The following STARD5 variants were observed in gnomAD, a reference collection of about 807,000 sequenced individuals.
The protein encoded by STARD5 is StAR related lipid transfer domain containing 5.
In STARD5, 26 loss-of-function variants were observed where a neutral mutation model predicts 24.6. The ratio of observed to expected loss-of-function variants is 1.06; its 90% confidence interval spans 0.77 to 1.47. The LOEUF (loss-of-function observed/expected upper bound fraction) is 1.47. Among genes scored for constraint, STARD5 ranks in the 40% most tolerant of loss-of-function variants. The pLI is 0.00. For synonymous variants in STARD5, 101 were observed against 99.7 expected, an observed-to-expected ratio of 1.01 and a Z score of -0.07; for missense variants, 254 against 270.8, an observed-to-expected ratio of 0.94 and a Z score of 0.44.
intron 5 of STARD5, among the ~76,000 whole-genome samples, chr15:81,316,367 C>T (rs1262562613): frequency 6.6e-6 from 1 of 152,140 alleles, no homozygotes; most frequent in South Asian, 2.1e-4. Context: ...AATCTAAGTT[C>T]TAAGAGGGCA....
intron 3 of STARD5, among the ~76,000 whole-genome samples, chr15:81,321,382 T>TG (rs1178313406): frequency 6.6e-6 from 1 of 151,634 alleles, no homozygotes; most frequent in Non-Finnish European, 1.5e-5. Flanking sequence ...GGGGTCGAGG[T>TG]GGGGGGATCA....
At chr15:81,321,223 G>C (rs1901188394) in intron 3 of STARD5, among the ~76,000 whole-genome samples, 1 of 152,048 alleles carries the variant, frequency 6.6e-6, no homozygotes, top group Non-Finnish European at 1.5e-5. Context: ...GACGCAAAAT[G>C]TTTTACTTGT....
rs751565213 is a variant in STARD5 at position 81,322,463 on chromosome 15, C to T, written c.227G>A (p.Arg76Gln). ...DCVKPAVGGL[R>Q]VKWDENVTGF... ...GGTCACATTCTCATCCCACTTCACT[C>T]GTAGGCCTCCAACAGCTGGCTTCAC... The change falls in exon 3 of 6, where the codon CGA becomes CAA. Residue 76 changes from arginine (R) to glutamine (Q), a missense_variant. Coordinates refer to ENST00000302824, the MANE Select transcript of STARD5 (RefSeq NM_181900.3). The T allele has an allele frequency of 3.5e-5, 56 of 1,614,096 alleles. No homozygotes were observed. Among genetic ancestry groups the T allele is most frequent in the Admixed American group, 5.0e-5 (3 of 60,010 alleles).
chr15:81,321,554 G>A (rs1893292752), intron 3 of STARD5, among the ~76,000 whole-genome samples: 1 of 150,488 alleles, frequency 6.6e-6, no homozygotes, highest in African/African-American at 2.5e-5. Flanking sequence ...AGGCTGCAGT[G>A]AGCCAAGATC....
At position 81,322,290 on chromosome 15, in the gene STARD5, T is replaced by C. The variant is rs1478298274; in HGVS notation, c.282+118A>G. On this transcript the variant is annotated intron_variant, in intron 3 of 5. Transcript: ENST00000302824. ...GCTGCAAGCAGTGGGCAGCCTGTGCTTGCAGGACACACCCCCTTAACAAAA... is the reference window on the plus strand; with the variant it reads ...GCTGCAAGCAGTGGGCAGCCTGTGCCTGCAGGACACACCCCCTTAACAAAA... 9.5e-6 allele frequency: 13 copies of C among 1,367,598 alleles called. No homozygotes were observed. The Admixed American group carries it at 1.1e-4, about 11-fold the overall frequency. 84.7% of individuals were successfully genotyped at this position (1,367,598 alleles called of 1,614,324 possible). A position where few individuals can be genotyped will look rare whatever the true frequency, so the allele number is the denominator to read the frequency against.
At chr15:81,317,409 G>A (rs982539190) in intron 5 of STARD5, among the ~76,000 whole-genome samples, 2 of 152,132 alleles carry the variant, frequency 1.3e-5, no homozygotes, top group Admixed American at 6.5e-5. Context: ...GGTGGGAGAG[G>A]ACAAGGAAAT....
intron 5 of STARD5, among the ~76,000 whole-genome samples, chr15:81,316,651 GTTA>G (rs1461174879): frequency 6.6e-6 from 1 of 152,224 alleles, no homozygotes; most frequent in Non-Finnish European, 1.5e-5. Context: ...TGCTGCTGCT[GTTA>G]TTATTGTCTG....
At chr15:81,314,565 G>T (rs1197559613) in intron 5 of STARD5, among the ~76,000 whole-genome samples, 1 of 152,128 alleles carries the variant, frequency 6.6e-6, no homozygotes, top group Non-Finnish European at 1.5e-5. Context: ...CAGGCTACAG[G>T]TTTGGAACTG....
intron 5 of STARD5, among the ~76,000 whole-genome samples, chr15:81,315,342 GA>G (rs1361614735): frequency 6.6e-6 from 1 of 152,152 alleles, no homozygotes; most frequent in African/African-American, 2.4e-5. Context: ...GGCCATGTGG[GA>G]TGGGACAAAC....
chr15:81,313,756 C>T (rs1900992833), intron 5 of STARD5: 1 of 166,468 alleles, frequency 6.0e-6, no homozygotes, highest in Admixed American at 6.4e-5. Flanking sequence ...CTGCCCTTCA[C>T]TATTTAGGGT....
Position 81,313,136 on chromosome 15 carries a change from C to T in STARD5, c.*120G>A. On this transcript the variant is annotated 3_prime_UTR_variant, in exon 6 of 6. Coordinates refer to ENST00000302824, the MANE Select transcript of STARD5 (RefSeq NM_181900.3). ...TTGGCATTCTCAGAGATGCGCAGTC[C>T]ATCAGCTTGTTCCAAAGAGTGAACA... The T allele has an allele frequency of 8.2e-7, 1 of 1,217,534 alleles. No homozygotes were observed. The highest frequency in any genetic ancestry group is 1.6e-5 in the African/African-American group (1 of 63,460). The allele number at this position is 1,217,534 out of a possible 1,614,324, so 75.4% of individuals were successfully genotyped here. A position where few individuals can be genotyped will look rare whatever the true frequency, so the allele number is the denominator to read the frequency against.
Position 81,309,318 on chromosome 15 carries a change from G to C in STARD5, c.*3938C>G, listed in dbSNP as rs771967172. ...CTCATACATCTGGCCGTTGATGTTGGCTGGGAACTCACCTGGGGCTGCTGG... is the reference window on the plus strand; with the variant it reads ...CTCATACATCTGGCCGTTGATGTTGCCTGGGAACTCACCTGGGGCTGCTGG... On this transcript the variant is annotated 3_prime_UTR_variant, in exon 6 of 6. Transcript: ENST00000302824. The C allele has an allele frequency of 6.5e-6, 1 of 152,902 alleles. No individual in the cohort carries two copies. The highest frequency in any genetic ancestry group is 1.5e-5 in the Non-Finnish European group (1 of 68,514). The allele number at this position is 152,902 out of a possible 1,614,324, so 9.5% of individuals were successfully genotyped here. A position where few individuals can be genotyped will look rare whatever the true frequency, so the allele number is the denominator to read the frequency against.
chr15:81,317,908 C>T (rs958958864), intron 5 of STARD5, among the ~76,000 whole-genome samples: 2 of 152,228 alleles, frequency 1.3e-5, no homozygotes, highest in Non-Finnish European at 2.9e-5. Context: ...GGTCTCAGAA[C>T]TGCCCTTTAG....
intron 5 of STARD5, among the ~76,000 whole-genome samples, chr15:81,316,681 G>C (rs1901089475): frequency 6.6e-6 from 1 of 152,200 alleles, no homozygotes; most frequent in African/African-American, 2.4e-5. Context: ...CTAGGGTCCA[G>C]AATAGGCCTA....
rs1378117091 is a variant in STARD5, at chr15:81,310,701, A to C, written c.*2555T>G. ...TGTGCACGCAGTGGCCTTCCCTAAA[A>C]TCAGGGAATTGTTTTAAGTCTTATC... On this transcript the variant is annotated 3_prime_UTR_variant, in exon 6 of 6. Coordinates refer to ENST00000302824, the MANE Select transcript of STARD5 (RefSeq NM_181900.3). 6.6e-6 allele frequency: 1 copy of C among 152,180 alleles called. No homozygotes were observed. The highest frequency in any genetic ancestry group is 1.5e-5 in the Non-Finnish European group (1 of 68,044). The allele number at this position is 152,180 out of a possible 1,614,324, so 9.4% of individuals were successfully genotyped here.
chr15:81,318,102 AC>A (rs1282315072), intron 5 of STARD5, among the ~76,000 whole-genome samples: 1 of 151,948 alleles, frequency 6.6e-6, no homozygotes, highest in African/African-American at 2.4e-5. Flanking sequence ...ACCTCCCCAA[AC>A]CTCAGTTTCC....
At chr15:81,313,512 G>T in intron 5 of STARD5, 109 bp from the exon 6 acceptor site, 1 of 1,095,722 alleles carries the variant, frequency 9.1e-7, no homozygotes, top group Non-Finnish European at 1.2e-6. Flanking sequence ...ATGATACAGT[G>T]ATCGCGTCTC....
chr15:81,322,617 G>A, intron 2 of STARD5, 77 bp from the exon 3 acceptor site: 2 of 1,599,824 alleles, frequency 1.3e-6, no homozygotes, highest in Non-Finnish European at 1.7e-6. Flanking sequence ...AGGACTAGAA[G>A]GTGGACCATG....
Position 81,313,364 on chromosome 15 carries a change from G to A in STARD5, c.534C>T (p.Thr178=), listed in dbSNP as rs200366069. 1.8e-5 allele frequency: 28 copies of A among 1,578,268 alleles called. No individual in the cohort carries two copies. The highest frequency in any genetic ancestry group is 2.4e-5 in the Non-Finnish European group (28 of 1,162,116). Residue 178 remains threonine (T), a synonymous_variant, in exon 6 of 6, where the codon ACC becomes ACT. Transcript: ENST00000302824. ...TKTNLVTFFH[T]DLSGYLPQNV... Reference sequence around the variant, plus strand: ...TCTGTGGGAGGTAACCGCTGAGGTCGGTATGGAAGAATGTGACCAGGTTGG... The same window carrying A: ...TCTGTGGGAGGTAACCGCTGAGGTCAGTATGGAAGAATGTGACCAGGTTGG...
Sources: allele counts gnomAD v4.1 joint callset (sites outside exome capture counted in the v4.1 genomes callset), GRCh38; gene constraint gnomAD v4.1.1; transcripts MANE v1.5; gene names NCBI Gene and HGNC (gene_info 2026-07-23, HGNC 2026-07-21).